The following DNAAF5 variants were observed in gnomAD, a reference collection of about 807,000 sequenced individuals.
DNAAF5 encodes dynein axonemal assembly factor 5, also known as HEAT repeat containing 2.
Under a neutral mutation model 75.8 loss-of-function variants are expected in DNAAF5, and 64 were observed. The ratio of observed to expected loss-of-function variants is 0.84; its 90% CI spans 0.69 to 1.04. The LOEUF is 1.04. DNAAF5 is among the 50% of genes least tolerant of loss of function. The probability of loss-of-function intolerance (pLI) is 0.00; values close to 1 mark genes in which losing one functional copy is unlikely to be tolerated. For missense variants in DNAAF5, 1,269 were observed against 1,178.5 expected (o/e 1.08, Z -1.12); for synonymous variants, 657 against 557.2 (o/e 1.18, Z -2.52).
intron 8 of DNAAF5, among the ~76,000 whole-genome samples, chr7:767,217 C>G (rs573336281): frequency 7.5e-6 from 1 of 134,214 alleles, no homozygotes; most frequent in Non-Finnish European, 1.5e-5. Context: ...CCAGCCTAGG[C>G]GACAGAGCGA....
chr7:766,334 G>C (rs996644216), intron 8 of DNAAF5, among the ~76,000 whole-genome samples: 1 of 151,980 alleles, frequency 6.6e-6, no homozygotes, highest in African/African-American at 2.4e-5. Context: ...ATGCACTACT[G>C]TAATAAACAG....
chr7:785,299 G>C (rs924477423), intron 12 of DNAAF5, among the ~76,000 whole-genome samples: 1 of 147,606 alleles, frequency 6.8e-6, no homozygotes, highest in African/African-American at 2.5e-5. Flanking sequence ...TGTGACTACT[G>C]TGTCCCCATC....
intron 4 of DNAAF5, among the ~76,000 whole-genome samples, chr7:748,294 G>A (rs1782181800): frequency 6.7e-6 from 1 of 149,206 alleles, no homozygotes; most frequent in Non-Finnish European, 1.5e-5. Flanking sequence ...GGTGTTGGTG[G>A]GGTTTGCTGG....
chr7:736,203 A>G (rs775812700), intron 2 of DNAAF5, among the ~76,000 whole-genome samples: 3 of 152,238 alleles, frequency 2.0e-5, no homozygotes, highest in Admixed American at 1.3e-4. Flanking sequence ...GCAATGTTCT[A>G]TAAATACCTA....
chr7:780,323 T>C (rs1320487853), intron 12 of DNAAF5, among the ~76,000 whole-genome samples, 179 bp downstream of exon 12: 1 of 152,264 alleles, frequency 6.6e-6, no homozygotes, highest in African/African-American at 2.4e-5. Flanking sequence ...TTTGTGGTGA[T>C]AGCTGCTGAC....
intron 2 of DNAAF5, among the ~76,000 whole-genome samples, chr7:739,869 G>A (rs1298361141): frequency 1.3e-5 from 2 of 152,134 alleles, no homozygotes; most frequent in African/African-American, 2.4e-5. Flanking sequence ...GAGTGACCAC[G>A]CCATGGGCAC....
intron 2 of DNAAF5, among the ~76,000 whole-genome samples, chr7:735,071 T>A (rs759810884): frequency 8.6e-5 from 13 of 150,468 alleles, no homozygotes; most frequent in Non-Finnish European, 1.6e-4. Flanking sequence ...TTGCTCATAT[T>A]GTAGTTGCTC....
intron 9 of DNAAF5, chr7:772,590 C>G (rs1428775241): frequency 6.6e-6 from 1 of 152,224 alleles, no homozygotes; most frequent in Non-Finnish European, 1.5e-5. Context: ...CGCTGGGCCC[C>G]TCGTTCCCCG....
Position 741,271 on chromosome 7 carries a change from C to T in DNAAF5, c.906-76C>T, listed in dbSNP as rs907924444. The T allele has an allele frequency of 4.8e-5, 53 of 1,101,138 alleles. No individual in the cohort carries two copies. The Admixed American group carries it at 8.3e-4, about 17-fold the overall frequency. The allele number at this position is 1,101,138 out of a possible 1,614,324, so 68.2% of individuals were successfully genotyped here. ...CACGCAATGGGGTCTTTGGGTGACC[C>T]GTGTCCTGGCGCAGCCCTGCGGCCT... is the stretch of plus-strand genomic sequence containing the variant. On this transcript the variant is annotated intron_variant, in intron 3 of 12. Coordinates refer to ENST00000297440, the MANE Select transcript of DNAAF5 (RefSeq NM_017802.4).
chr7:737,543 T>G (rs1781774662), intron 2 of DNAAF5, among the ~76,000 whole-genome samples: 1 of 152,270 alleles, frequency 6.6e-6, no homozygotes, highest in Admixed American at 6.5e-5. Context: ...GATTTCTTAT[T>G]GCTCCTCAGC....
intron 1 of DNAAF5, among the ~76,000 whole-genome samples, chr7:728,747 G>A (rs145248762): frequency 1.3e-5 from 2 of 152,336 alleles, no homozygotes; most frequent in East Asian, 3.9e-4. Context: ...TGGGGTATGT[G>A]CTCACTGGTT....
chr7:747,210 C>G (rs1205200130), intron 4 of DNAAF5, among the ~76,000 whole-genome samples: 1 of 152,200 alleles, frequency 6.6e-6, no homozygotes, highest in Non-Finnish European at 1.5e-5. Context: ...TTTTCCACAC[C>G]CTTCGCGCCA....
chr7:775,328 T>C (rs908212096), intron 11 of DNAAF5, among the ~76,000 whole-genome samples, 166 bp downstream of exon 11: 2 of 152,154 alleles, frequency 1.3e-5, no homozygotes, highest in Admixed American at 6.5e-5. Context: ...GAGGGTTGCT[T>C]GAGCCCAGGA....
At chr7:775,511 GGTGTGT>G (rs10582414) in intron 11 of DNAAF5, among the ~76,000 whole-genome samples, 26,738 of 150,372 alleles carry the variant, frequency 0.18, 2,606 homozygotes, top group South Asian at 0.27. Flanking sequence ...TAAAAGTAGG[GGTGTGT>G]GTGTGTGTGT....
At chr7:784,018 GCCCCCAC>G (rs1779068498) in intron 12 of DNAAF5, among the ~76,000 whole-genome samples, 2 of 145,626 alleles carry the variant, frequency 1.4e-5, no homozygotes, top group South Asian at 4.4e-4. Flanking sequence ...CCTGTACGCC[GCCCCCAC>G]CTCCCCCACC....
chr7:743,182 A>G (rs1781968926), intron 4 of DNAAF5, among the ~76,000 whole-genome samples: 1 of 152,158 alleles, frequency 6.6e-6, no homozygotes, highest in African/African-American at 2.4e-5. Context: ...TGGGCAACAC[A>G]GCAAGACTCC....
At chr7:776,525 CAG>C (rs920669315) in intron 11 of DNAAF5, among the ~76,000 whole-genome samples, 15 of 149,186 alleles carry the variant, frequency 1.0e-4, no homozygotes, top group Admixed American at 3.4e-4. Context: ...AGGGGGACCT[CAG>C]GGTGGGGCGG....
chr7:749,783 C>T (rs1052120125), intron 4 of DNAAF5, among the ~76,000 whole-genome samples: 4 of 152,166 alleles, frequency 2.6e-5, no homozygotes, highest in African/African-American at 9.7e-5. Context: ...GCAACCTCCG[C>T]CTCCCAGATT....
intron 2 of DNAAF5, chr7:732,538 C>T (rs1157588898): frequency 2.2e-6 from 1 of 456,084 alleles, no homozygotes; most frequent in Admixed American, 2.3e-5. Context: ...CTTCCGGGAG[C>T]AACAGATGTT....
Sources: allele counts gnomAD v4.1 joint callset (sites outside exome capture counted in the v4.1 genomes callset), GRCh38; gene constraint gnomAD v4.1.1; transcripts MANE v1.5; gene names NCBI Gene and HGNC (gene_info 2026-07-23, HGNC 2026-07-21).